The following OR2L13 variants were observed in gnomAD, a reference collection of about 807,000 sequenced individuals.
The protein encoded by OR2L13 is olfactory receptor 2L13.
OR2L13 carries 14 observed loss-of-function variants against 15.3 expected under a neutral mutation model. The ratio of observed to expected loss-of-function variants is 0.91; its 90% CI spans 0.60 to 1.43. The LOEUF is 1.43. Among genes scored for constraint, OR2L13 ranks in the 40% most tolerant of loss-of-function variants. The probability of loss-of-function intolerance (pLI) is 0.00; values close to 1 mark genes in which losing one functional copy is unlikely to be tolerated. For missense variants in OR2L13, 367 were observed against 387.9 expected, an observed-to-expected ratio of 0.95 and a Z score of 0.45; for synonymous variants, 152 against 142.9, an observed-to-expected ratio of 1.06 and a Z score of -0.45.
the OR2L13 span, among the ~76,000 whole-genome samples, chr1:247,953,627 T>G: frequency 1.3e-5 from 2 of 152,198 alleles, no homozygotes; most frequent in Non-Finnish European, 2.9e-5. Context: ...TTTATTAGTT[T>G]GAGCTGAAAA....
At chr1:248,099,822 A>G (rs1425597394) in exon 3 of OR2L13, 11 of 1,613,930 alleles carry the variant, frequency 6.8e-6, no homozygotes, top group Non-Finnish European at 9.3e-6. Context: ...GCTCTTGGAC[A>G]CTGGGGTCCA....
chr1:248,074,624 T>G, the OR2L13 span, among the ~76,000 whole-genome samples: 3 of 152,108 alleles, frequency 2.0e-5, no homozygotes, highest in African/African-American at 7.2e-5. Context: ...CATGGACACA[T>G]GCTTGGTACA....
At chr1:247,990,861 G>A in the OR2L13 span, 1 of 1,535,960 alleles carries the variant, frequency 6.5e-7, no homozygotes, top group Non-Finnish European at 9.0e-7. Context: ...AGTGCACGGT[G>A]TTTTTGAGCA....
chr1:247,982,327 C>G, the OR2L13 span, among the ~76,000 whole-genome samples: 1 of 152,108 alleles, frequency 6.6e-6, no homozygotes, highest in Non-Finnish European at 1.5e-5. Flanking sequence ...TCTTCAAATC[C>G]TTGTGATTCA....
At chr1:248,100,131 A>G in exon 3 of OR2L13, 2 of 1,614,016 alleles carry the variant, frequency 1.2e-6, no homozygotes, top group Non-Finnish European at 1.7e-6. Flanking sequence ...TTTACTATGC[A>G]CCTTTTGTCT....
At chr1:247,985,399 T>C in the OR2L13 span, among the ~76,000 whole-genome samples, 1,451 of 152,232 alleles carry the variant, frequency 9.5e-3, 26 homozygotes, top group African/African-American at 0.033. Flanking sequence ...CTGAGAATGA[T>C]GGTTTCCAGC....
At chr1:247,990,354 A>T in the OR2L13 span, 1 of 1,532,568 alleles carries the variant, frequency 6.5e-7, no homozygotes, top group Non-Finnish European at 9.0e-7. Flanking sequence ...CTTCATTCTC[A>T]TTAATTTCGT....
At chr1:247,965,664 C>A in the OR2L13 span, 1 of 1,545,736 alleles carries the variant, frequency 6.5e-7, no homozygotes, top group Non-Finnish European at 8.7e-7. Flanking sequence ...GATTTTTGGG[C>A]TGTGAGATTC....
chr1:248,024,251 T>A, the OR2L13 span: 1 of 152,244 alleles, frequency 6.6e-6, no homozygotes, highest in East Asian at 1.9e-4. Context: ...AAAATCCCAA[T>A]GTAGAAAATT....
chr1:247,990,420 A>G, the OR2L13 span: 1 of 1,584,488 alleles, frequency 6.3e-7, no homozygotes, highest in South Asian at 1.1e-5. Context: ...CTTCTTGGAC[A>G]TCCATCTCCA....
chr1:248,045,250 C>T, the OR2L13 span, among the ~76,000 whole-genome samples: 2 of 152,120 alleles, frequency 1.3e-5, no homozygotes, highest in Admixed American at 1.3e-4. Context: ...ATTTACGTTC[C>T]TCATTCTAAT....
chr1:247,953,936 T>TC, the OR2L13 span, among the ~76,000 whole-genome samples: 1 of 151,732 alleles, frequency 6.6e-6, no homozygotes, highest in Non-Finnish European at 1.5e-5. Context: ...GTGTCTCTTT[T>TC]TTTTTCTTTG....
the OR2L13 span, among the ~76,000 whole-genome samples, chr1:247,940,739 TGTGTGTGTGTGTGTGTGC>T: frequency 6.6e-6 from 1 of 150,514 alleles, no homozygotes; most frequent in Non-Finnish European, 1.5e-5. Flanking sequence ...TGCGTGTGTG[TGTGTGTGTGTGTGTGTGC>T]GCGCGCTAAG....
the OR2L13 span, among the ~76,000 whole-genome samples, chr1:248,008,789 C>G: frequency 6.6e-6 from 1 of 152,018 alleles, no homozygotes; most frequent in African/African-American, 2.4e-5. Flanking sequence ...AATTGGAATT[C>G]AAACACTCCT....
the OR2L13 span, among the ~76,000 whole-genome samples, chr1:248,025,180 A>G: frequency 6.8e-6 from 1 of 147,824 alleles, no homozygotes; most frequent in African/African-American, 2.6e-5. Flanking sequence ...AATGGGAGAA[A>G]ATTTTCGCAA....
At chr1:248,080,004 G>C in the OR2L13 span, among the ~76,000 whole-genome samples, 1 of 152,152 alleles carries the variant, frequency 6.6e-6, no homozygotes, top group African/African-American at 2.4e-5. Flanking sequence ...AAATCAGCAA[G>C]AAGAGTCAGC....
the OR2L13 span, among the ~76,000 whole-genome samples, chr1:248,089,685 T>C: frequency 6.6e-6 from 1 of 152,180 alleles, no homozygotes; most frequent in Non-Finnish European, 1.5e-5. Flanking sequence ...CATTTGTCCC[T>C]GAGTTGTTTT....
chr1:248,048,375 T>C, the OR2L13 span, among the ~76,000 whole-genome samples: 2 of 152,222 alleles, frequency 1.3e-5, no homozygotes, highest in East Asian at 1.9e-4. Flanking sequence ...GTCAGTCAAA[T>C]ACAACATTAT....
chr1:247,948,086 G>T, the OR2L13 span, among the ~76,000 whole-genome samples: 1 of 152,152 alleles, frequency 6.6e-6, no homozygotes, highest in African/African-American at 2.4e-5. Flanking sequence ...TGTGGCACGT[G>T]GCTGTAGTCG....
Sources: gnomAD v4.1 joint callset for allele counts (sites outside exome capture counted in the v4.1 genomes callset) on GRCh38, gnomAD v4.1.1 for gene constraint, MANE v1.5 for transcripts, NCBI Gene and HGNC (gene_info 2026-07-23, HGNC 2026-07-21) for gene names.